Variants in CTNNBL1 observed in about 807,000 individuals in gnomAD.
The protein encoded by CTNNBL1 is beta-catenin-like protein 1.
A neutral mutation model predicts 72.7 loss-of-function variants in CTNNBL1; 31 were observed. The observed-to-expected ratio is 0.43, with a 90% CI of 0.32 to 0.58. The LOEUF is 0.58. CTNNBL1 is among the 20% of genes least tolerant of loss of function. The pLI is 0.08. For missense variants in CTNNBL1, 534 were observed against 725.1 expected (o/e 0.74, Z 3.03); for synonymous variants, 240 against 267.3 (o/e 0.90, Z 1.00).
At chr20:37,723,415 G>C (rs1288171893) in intron 1 of CTNNBL1, among the ~76,000 whole-genome samples, 1 of 152,244 alleles carries the variant, frequency 6.6e-6, no homozygotes, top group Middle Eastern at 3.4e-3. Context: ...CTGTGGTCTT[G>C]TTGCCTGTAA....
chr20:37,796,497 C>A (rs145130564), intron 10 of CTNNBL1, among the ~76,000 whole-genome samples: 2 of 150,682 alleles, frequency 1.3e-5, no homozygotes, highest in African/African-American at 4.9e-5. Context: ...TAAATCCAGT[C>A]CTTGTTACCC....
At position 37,741,776 on chromosome 20, in the gene CTNNBL1, C is replaced by T. The variant is rs74965123; in HGVS notation, c.326+4292C>T. ...TCATTCCCAAGTCCAGCATTTCTCA[C>T]GGTATCTTGTTACTCACATAACACT... On this transcript the variant is annotated intron_variant, in intron 3 of 15. Coordinates refer to ENST00000361383, the MANE Select transcript of CTNNBL1 (RefSeq NM_030877.5). Among the ~76,000 whole-genome samples, 622 of 152,346 alleles carry T rather than the reference C, an allele frequency of 4.1e-3. 6 individuals are homozygous for T. The highest frequency in any genetic ancestry group is 0.014 in the African/African-American group (571 of 41,582).
chr20:37,736,744 A>G (rs935781078), intron 2 of CTNNBL1, among the ~76,000 whole-genome samples: 1 of 150,404 alleles, frequency 6.6e-6, no homozygotes, highest in Non-Finnish European at 1.5e-5. Flanking sequence ...CTGGTCTTGA[A>G]CTCCTGACCT....
intron 15 of CTNNBL1, among the ~76,000 whole-genome samples, chr20:37,861,071 G>T (rs1302669220): frequency 6.6e-6 from 1 of 152,222 alleles, no homozygotes; most frequent in Non-Finnish European, 1.5e-5. Flanking sequence ...AAGCAATGTG[G>T]AGTGGTGGAG....
At chr20:37,698,431 G>A (rs1034675268) in intron 1 of CTNNBL1, among the ~76,000 whole-genome samples, 1 of 152,160 alleles carries the variant, frequency 6.6e-6, no homozygotes, top group Non-Finnish European at 1.5e-5. Context: ...TTTGCTCAGC[G>A]AAATATCCTC....
intron 10 of CTNNBL1, among the ~76,000 whole-genome samples, chr20:37,788,448 G>T (rs980680443): frequency 3.3e-5 from 5 of 152,230 alleles, no homozygotes; most frequent in African/African-American, 1.2e-4. Context: ...TAAAAAGCCT[G>T]TTGCCGAGAA....
chr20:37,812,263 G>A (rs2072018509), intron 11 of CTNNBL1, among the ~76,000 whole-genome samples: 1 of 152,162 alleles, frequency 6.6e-6, no homozygotes, highest in Non-Finnish European at 1.5e-5. Flanking sequence ...TGGTAATATA[G>A]TTATTGCACA....
At chr20:37,868,843 C>G (rs1399482655) in intron 15 of CTNNBL1, among the ~76,000 whole-genome samples, 1 of 152,224 alleles carries the variant, frequency 6.6e-6, no homozygotes, top group Non-Finnish European at 1.5e-5. Flanking sequence ...ACTTCCCTCT[C>G]TCCTGGGTCT....
intron 11 of CTNNBL1, among the ~76,000 whole-genome samples, chr20:37,817,586 C>A (rs944468490): frequency 1.3e-5 from 2 of 152,120 alleles, no homozygotes; most frequent in East Asian, 3.9e-4. Flanking sequence ...ATGTTAATTA[C>A]CTTCACTGAT....
At chr20:37,860,463 T>C (rs1324336451) in intron 15 of CTNNBL1, 119 bp downstream of exon 15, 12 of 796,578 alleles carry the variant, frequency 1.5e-5, no homozygotes, top group Non-Finnish European at 2.6e-5. Context: ...AAAGCTTAAG[T>C]TGTTGTCCAT....
At chr20:37,868,292 C>A (rs75349445) in intron 15 of CTNNBL1, among the ~76,000 whole-genome samples, 1 of 66,362 alleles carries the variant, frequency 1.5e-5, no homozygotes, top group Admixed American at 2.0e-4. Flanking sequence ...TTTTTAGGGG[C>A]CTTTTTTTTT....
intron 12 of CTNNBL1, among the ~76,000 whole-genome samples, chr20:37,840,604 C>G (rs1207140702): frequency 6.6e-6 from 1 of 152,182 alleles, no homozygotes; most frequent in Non-Finnish European, 1.5e-5. Context: ...CCAGCTTCAA[C>G]ATGGGGACAT....
chr20:37,802,864 C>T lies in CTNNBL1; in HGVS notation c.1032-3C>T. On this transcript the variant is annotated splice_region_variant and splice_polypyrimidine_tract_variant and intron_variant, in intron 10 of 15. Transcript: ENST00000361383. Reference sequence around the variant, plus strand: ...CCTTATCTGAAACCTCTTTTGTTCACAGGGAAAAGAAGATCTCCCGGAGCA... The same window carrying T: ...CCTTATCTGAAACCTCTTTTGTTCATAGGGAAAAGAAGATCTCCCGGAGCA... 6.2e-7 allele frequency: 1 copy of T among 1,605,090 alleles called. No homozygotes were observed. The highest frequency in any genetic ancestry group is 1.7e-5 in the Admixed American group (1 of 58,936).
At chr20:37,702,696 GTTC>G (rs1568742794) in intron 1 of CTNNBL1, among the ~76,000 whole-genome samples, 2 of 151,754 alleles carry the variant, frequency 1.3e-5, no homozygotes, top group African/African-American at 4.8e-5. Flanking sequence ...CTCCCTCTGC[GTTC>G]TTCTCATCAT....
chr20:37,737,326 G>GGCTGTGGCCAC, intron 2 of CTNNBL1, 52 bp from the exon 3 acceptor site: 1 of 1,255,116 alleles, frequency 8.0e-7, no homozygotes, highest in South Asian at 1.2e-5. Context: ...TAGTGACAAT[G>GGCTGTGGCCAC]AATGTGAAAC....
chr20:37,777,252 T>G, intron 7 of CTNNBL1, 93 bp from the exon 8 acceptor site: 4 of 975,292 alleles, frequency 4.1e-6, no homozygotes, highest in Non-Finnish European at 6.6e-6. Flanking sequence ...TCTGCTTCTC[T>G]CTAACTCAGA....
At chr20:37,866,876 G>A (rs2072540734) in intron 15 of CTNNBL1, among the ~76,000 whole-genome samples, 1 of 152,176 alleles carries the variant, frequency 6.6e-6, no homozygotes, top group Non-Finnish European at 1.5e-5. Context: ...GCAGCAGCTT[G>A]GACTGAGATG....
intron 6 of CTNNBL1, among the ~76,000 whole-genome samples, chr20:37,766,188 T>C (rs1052049465): frequency 6.6e-6 from 1 of 152,212 alleles, no homozygotes; most frequent in Non-Finnish European, 1.5e-5. Flanking sequence ...TAATTTGGGT[T>C]GGCTGTAGTC....
intron 11 of CTNNBL1, among the ~76,000 whole-genome samples, chr20:37,806,558 G>A (rs1568789625): frequency 6.6e-6 from 1 of 152,170 alleles, no homozygotes; most frequent in Non-Finnish European, 1.5e-5. Context: ...GGTTTTGGGG[G>A]AAAGCTACAC....
Sources: allele counts gnomAD v4.1 joint callset (sites outside exome capture counted in the v4.1 genomes callset), GRCh38; gene constraint gnomAD v4.1.1; transcripts MANE v1.5; gene names NCBI Gene and HGNC (gene_info 2026-07-23, HGNC 2026-07-21).